Variants in NDE1 observed in about 807,000 individuals in gnomAD.
The protein encoded by NDE1 is nudE neurodevelopment protein 1, also known as nuclear distribution protein nudE homolog 1.
A neutral mutation model predicts 43.4 loss-of-function variants in NDE1; 28 were observed. The ratio of observed to expected loss-of-function variants is 0.65; its 90% CI spans 0.48 to 0.89. The LOEUF (loss-of-function observed/expected upper bound fraction) is 0.89. Ranked by LOEUF, NDE1 falls within the 40% of genes least tolerant of loss-of-function variation. NDE1 has a pLI of 0.00. For missense variants in NDE1, 441 were observed against 434.1 expected (o/e 1.02, Z -0.14); for synonymous variants, 184 against 172.0 (o/e 1.07, Z -0.55).
At chr16:15,670,798 C>G (rs1056573141) in intron 3 of NDE1, among the ~76,000 whole-genome samples, 1 of 152,090 alleles carries the variant, frequency 6.6e-6, no homozygotes, top group Non-Finnish European at 1.5e-5. Context: ...GTACCCATCA[C>G]AGACGTGGAC....
intron 7 of NDE1, chr16:15,694,765 G>A (rs916088685): frequency 9.1e-5 from 90 of 985,242 alleles, no homozygotes; most frequent in Non-Finnish European, 9.9e-5. Context: ...TCGAAGCCCT[G>A]CTCTGAACCC....
intron 3 of NDE1, among the ~76,000 whole-genome samples, chr16:15,677,349 C>T (rs113935020): frequency 0.018 from 2,785 of 151,976 alleles, 85 homozygotes; most frequent in African/African-American, 0.063. Context: ...TTTGGGAGGC[C>T]GAGGCGTGCA....
chr16:15,712,035 A>G (rs1173284135), intron 8 of NDE1, among the ~76,000 whole-genome samples: 3 of 151,806 alleles, frequency 2.0e-5, no homozygotes, highest in South Asian at 4.2e-4. Context: ...TCTCCCATAG[A>G]TGGGATGTGG....
At chr16:15,697,103 C>A in intron 8 of NDE1, 1 of 971,020 alleles carries the variant, frequency 1.0e-6, no homozygotes, top group Non-Finnish European at 1.2e-6. Flanking sequence ...GGCTAGAATA[C>A]GATGGCAGGA....
intron 4 of NDE1, among the ~76,000 whole-genome samples, chr16:15,681,500 G>T (rs2038182575): frequency 6.6e-6 from 1 of 151,550 alleles, no homozygotes; most frequent in South Asian, 2.1e-4. Context: ...CCTGGACTCG[G>T]TCTGTCCACC....
intron 8 of NDE1, chr16:15,704,108 G>A: frequency 6.2e-7 from 1 of 1,614,004 alleles, no homozygotes; most frequent in Non-Finnish European, 8.5e-7. Context: ...GAACGAAAGA[G>A]GTCTCGTTTC....
intron 8 of NDE1, chr16:15,715,181 C>A (rs148743922): frequency 6.2e-7 from 1 of 1,613,690 alleles, no homozygotes; most frequent in Non-Finnish European, 8.5e-7. Flanking sequence ...TTGTACTGCT[C>A]GGCCATCTTG....
At chr16:15,702,118 A>G (rs1041773199) in intron 8 of NDE1, 1 of 152,244 alleles carries the variant, frequency 6.6e-6, no homozygotes, top group Non-Finnish European at 1.5e-5. Context: ...TCTGGTCACA[A>G]GATGGAGTCC....
In NDE1 at chr16:15,690,353, C is replaced by CTTTTTTTTTTTTT. The variant is rs869069843; in HGVS notation, c.524-775_524-763dup. On this transcript the variant is annotated intron_variant, in intron 5 of 8. Coordinates refer to ENST00000396354, the MANE Select transcript of NDE1 (RefSeq NM_017668.3). ...GCAACTGGCCTTTTTTTTTTTTTTT[C>CTTTTTTTTTTTTT]TTTTTTTTTTTTTTTTTTTTTTTTT... Among the ~76,000 whole-genome samples, 25 of 80,954 alleles carry CTTTTTTTTTTTTT rather than the reference C, an allele frequency of 3.1e-4. 1 individual carries two copies. Among genetic ancestry groups the CTTTTTTTTTTTTT allele is most frequent in the South Asian group, 2.0e-3 (4 of 1,978 alleles). The allele number at this position is 80,954 out of a possible 152,430, so 53.1% of individuals were successfully genotyped here.
chr16:15,718,699 C>G, intron 8 of NDE1: 1 of 565,726 alleles, frequency 1.8e-6, no homozygotes, highest in Non-Finnish European at 3.1e-6. Flanking sequence ...CTCCCCTTCT[C>G]CCCACACAGC....
chr16:15,674,697 G>GA (rs1384440006), intron 3 of NDE1, among the ~76,000 whole-genome samples: 1 of 152,120 alleles, frequency 6.6e-6, no homozygotes, highest in Non-Finnish European at 1.5e-5. Context: ...AACAACAGAA[G>GA]TCATTGAGAT....
At chr16:15,658,757 A>G (rs926915205) in intron 1 of NDE1, among the ~76,000 whole-genome samples, 4 of 152,156 alleles carry the variant, frequency 2.6e-5, no homozygotes, top group African/African-American at 9.6e-5. Flanking sequence ...CCCGGGTTCA[A>G]GCGATTCTCA....
intron 8 of NDE1, among the ~76,000 whole-genome samples, chr16:15,716,300 T>A (rs952242421): frequency 6.6e-6 from 1 of 152,052 alleles, no homozygotes; most frequent in Non-Finnish European, 1.5e-5. Context: ...TACATGTTTG[T>A]GAATATATGA....
In NDE1 at chr16:15,694,186, G is replaced by T. The variant is rs755657937; in HGVS notation, c.725G>T (p.Gly242Val). The change falls in exon 7 of 9, where the codon GGG (glycine) becomes GTG (valine). Residue 242 changes from glycine to valine, a missense_variant. By Grantham distance (109) the Gly-to-Val change is moderately radical. Transcript: ENST00000396354. ...CCAGGCCTGGACGACTCCACCGGGG[G>T]GACCCCCCTCACACCTGCGGCCCGG... ...FRRGLDDSTG[G>V]TPLTPAARIS... 6.2e-7 allele frequency: 1 copy of T among 1,612,844 alleles called. No homozygotes were observed. The highest frequency in any genetic ancestry group is 8.5e-7 in the Non-Finnish European group (1 of 1,180,020).
At chr16:15,678,296 A>G (rs1423750402) in intron 4 of NDE1, among the ~76,000 whole-genome samples, 2 of 152,174 alleles carry the variant, frequency 1.3e-5, no homozygotes, top group African/African-American at 4.8e-5. Flanking sequence ...GGTGTGAGAC[A>G]AGAACATTCC....
intron 8 of NDE1, among the ~76,000 whole-genome samples, chr16:15,708,433 G>A (rs1339807585): frequency 6.6e-6 from 1 of 152,220 alleles, no homozygotes; most frequent in East Asian, 1.9e-4. Context: ...GACAAGGGAG[G>A]ACAGCACTGC....
chr16:15,676,376 A>C (rs771407023), intron 3 of NDE1, among the ~76,000 whole-genome samples: 2 of 151,088 alleles, frequency 1.3e-5, no homozygotes, highest in African/African-American at 2.4e-5. Flanking sequence ...CGCCTGGCTA[A>C]TTTTTTTGTA....
At chr16:15,675,593 C>T (rs966310630) in intron 3 of NDE1, among the ~76,000 whole-genome samples, 3 of 151,956 alleles carry the variant, frequency 2.0e-5, no homozygotes, top group African/African-American at 4.8e-5. Context: ...CATGCCACCA[C>T]GCCTGGCTGT....
intron 8 of NDE1, chr16:15,718,149 C>T (rs2040266378): frequency 1.9e-6 from 2 of 1,050,386 alleles, no homozygotes; most frequent in African/African-American, 1.6e-5. Context: ...GCAGCCTGGG[C>T]ACTGGTGTAA....
Sources: allele counts gnomAD v4.1 joint callset (sites outside exome capture counted in the v4.1 genomes callset), GRCh38; gene constraint gnomAD v4.1.1; transcripts MANE v1.5; gene names NCBI Gene and HGNC (gene_info 2026-07-23, HGNC 2026-07-21).